The following LRRC1 variants were observed in gnomAD, a reference collection of about 807,000 sequenced individuals.
LRRC1 encodes leucine rich repeat containing 1, also known as leucine-rich repeat-containing protein 1.
Under a neutral mutation model 69.9 loss-of-function variants are expected in LRRC1, and 28 were observed. The observed-to-expected ratio is 0.40, with a 90% CI of 0.30 to 0.55. The LOEUF (loss-of-function observed/expected upper bound fraction) is 0.55. Ranked by LOEUF, LRRC1 falls within the 20% of genes least tolerant of loss-of-function variation. LRRC1 has a pLI of 0.47. For missense variants in LRRC1, 498 were observed against 609.0 expected, an observed-to-expected ratio of 0.82 and a Z score of 1.92; for synonymous variants, 236 against 240.2, an observed-to-expected ratio of 0.98 and a Z score of 0.16.
intron 3 of LRRC1, among the ~76,000 whole-genome samples, chr6:53,881,794 A>G (rs2127431020): frequency 6.6e-6 from 1 of 152,314 alleles, no homozygotes; most frequent in East Asian, 1.9e-4. Context: ...TAGCAGATTT[A>G]TGTTTAATAA....
At chr6:53,864,676 T>C (rs1174047818) in intron 2 of LRRC1, among the ~76,000 whole-genome samples, 4 of 152,300 alleles carry the variant, frequency 2.6e-5, no homozygotes, top group Middle Eastern at 6.8e-3. Flanking sequence ...GTGCCAGTCA[T>C]GATACCCGGT....
chr6:53,815,023 A>G (rs1048423817), intron 1 of LRRC1, among the ~76,000 whole-genome samples: 5 of 151,880 alleles, frequency 3.3e-5, no homozygotes. Context: ...TGTTGCGGGG[A>G]GCACAACAGT....
rs372140056 is a variant in LRRC1, at chr6:53,795,522, C to T, written c.159+107C>T. On this transcript the variant is annotated intron_variant, in intron 1 of 13. Coordinates refer to ENST00000370888, the MANE Select transcript of LRRC1 (RefSeq NM_018214.5). ...ATCTCCGGGTCCGGCGTGAAGGAAC[C>T]TTCCCTCTTTTATGCATTCACCTGC... 18 of 1,162,614 alleles carry T rather than the reference C, an allele frequency of 1.5e-5. No individual in the cohort carries two copies. In the African/African-American group the frequency reaches 2.5e-4, roughly 16 times the overall value. 72.0% of individuals were successfully genotyped at this position (1,162,614 alleles called of 1,614,324 possible).
chr6:53,813,402 T>G (rs1195494099), intron 1 of LRRC1, among the ~76,000 whole-genome samples: 1 of 152,000 alleles, frequency 6.6e-6, no homozygotes, highest in Non-Finnish European at 1.5e-5. Flanking sequence ...GTGGGCAAAT[T>G]GTAGGATAGG....
intron 2 of LRRC1, among the ~76,000 whole-genome samples, chr6:53,871,868 A>G (rs1169480280): frequency 1.3e-5 from 2 of 152,108 alleles, no homozygotes; most frequent in Non-Finnish European, 2.9e-5. Context: ...GGGTTTTGCC[A>G]TGTTAGCCAG....
At chr6:53,875,335 T>C (rs1188066307) in intron 2 of LRRC1, among the ~76,000 whole-genome samples, 1 of 152,130 alleles carries the variant, frequency 6.6e-6, no homozygotes, top group Admixed American at 6.5e-5. Flanking sequence ...AACAGCAAAC[T>C]ACTTGGAGAA....
chr6:53,799,598 C>G (rs5001609), intron 1 of LRRC1, among the ~76,000 whole-genome samples: 95,165 of 152,184 alleles, frequency 0.63, 30,077 homozygotes, highest in East Asian at 0.9. Flanking sequence ...CTTTGATTGC[C>G]TTATCTTTGA....
chr6:53,881,066 T>G (rs1350074223), intron 3 of LRRC1, among the ~76,000 whole-genome samples: 1 of 152,242 alleles, frequency 6.6e-6, no homozygotes, highest in East Asian at 1.9e-4. Flanking sequence ...GAGGCTTTAC[T>G]GTTTTGTTTG....
At chr6:53,892,744 CA>C (rs1767744930) in intron 4 of LRRC1, among the ~76,000 whole-genome samples, 1 of 152,220 alleles carries the variant, frequency 6.6e-6, no homozygotes, top group Non-Finnish European at 1.5e-5. Context: ...GTTACTACAA[CA>C]ATTTGGAGAG....
At chr6:53,889,303 C>T (rs765106487) in intron 4 of LRRC1, among the ~76,000 whole-genome samples, 1 of 151,978 alleles carries the variant, frequency 6.6e-6, no homozygotes, top group Non-Finnish European at 1.5e-5. Flanking sequence ...TTGGGGAGGT[C>T]CTCCTTAAAA....
intron 7 of LRRC1, 121 bp downstream of exon 7, chr6:53,897,480 GA>G: frequency 1.5e-6 from 1 of 647,412 alleles, no homozygotes. Flanking sequence ...AACATTGATT[GA>G]AAAGGCACAT....
intron 11 of LRRC1, among the ~76,000 whole-genome samples, chr6:53,917,936 T>C (rs1016550505): frequency 6.6e-6 from 1 of 152,238 alleles, no homozygotes; most frequent in African/African-American, 2.4e-5. Flanking sequence ...TGCAACATTC[T>C]TTGGATAGAA....
At chr6:53,816,734 G>A (rs1160785572) in intron 1 of LRRC1, among the ~76,000 whole-genome samples, 1 of 152,142 alleles carries the variant, frequency 6.6e-6, no homozygotes, top group Non-Finnish European at 1.5e-5. Flanking sequence ...AGGGCAGAGG[G>A]AAGGATAAAA....
chr6:53,807,802 A>G (rs1764678137), intron 1 of LRRC1, among the ~76,000 whole-genome samples: 1 of 152,198 alleles, frequency 6.6e-6, no homozygotes, highest in Non-Finnish European at 1.5e-5. Context: ...ACAAGGAAGT[A>G]CTGTAGAGAG....
At chr6:53,915,648 A>G (rs1768541321) in intron 11 of LRRC1, among the ~76,000 whole-genome samples, 1 of 152,204 alleles carries the variant, frequency 6.6e-6, no homozygotes, top group Non-Finnish European at 1.5e-5. Flanking sequence ...ATGAAGGCCC[A>G]TTTCTCCAGT....
At chr6:53,915,546 T>C (rs148739316) in intron 11 of LRRC1, among the ~76,000 whole-genome samples, 8 of 152,320 alleles carry the variant, frequency 5.3e-5, no homozygotes, top group South Asian at 2.1e-4. Flanking sequence ...TGAGTCAACA[T>C]TTGCTGGTTC....
At chr6:53,827,310 C>CAA (rs11387003) in intron 1 of LRRC1, among the ~76,000 whole-genome samples, 34,219 of 125,730 alleles carry the variant, frequency 0.27, 5,347 homozygotes, top group Middle Eastern at 0.37. Flanking sequence ...AACACTTCCA[C>CAA]AAAAAAAAAA....
intron 10 of LRRC1, among the ~76,000 whole-genome samples, chr6:53,909,593 T>C (rs1768347119): frequency 6.6e-6 from 1 of 151,770 alleles, no homozygotes; most frequent in East Asian, 1.9e-4. Flanking sequence ...CAATGTAAGG[T>C]ACTTTTTTAT....
At chr6:53,837,434 G>A (rs561384582) in intron 1 of LRRC1, among the ~76,000 whole-genome samples, 1 of 152,224 alleles carries the variant, frequency 6.6e-6, no homozygotes, top group East Asian at 1.9e-4. Flanking sequence ...GAGTAGGGAT[G>A]GTATGAGAGT....
Sources: allele counts gnomAD v4.1 joint callset (sites outside exome capture counted in the v4.1 genomes callset), GRCh38; gene constraint gnomAD v4.1.1; transcripts MANE v1.5; gene names NCBI Gene and HGNC (gene_info 2026-07-23, HGNC 2026-07-21).